The following NSMCE1 variants were observed in gnomAD, a reference collection of about 807,000 sequenced individuals.
The protein encoded by NSMCE1 is NSE1 component of SMC5/6 complex, also known as non-structural maintenance of chromosomes element 1 homolog.
NSMCE1 carries 18 observed loss-of-function variants against 29.6 expected under a neutral mutation model. That is an observed-to-expected ratio of 0.61 (90% CI 0.42 to 0.90). The LOEUF (loss-of-function observed/expected upper bound fraction) is 0.90. Among genes scored for constraint, NSMCE1 ranks in the 40% least tolerant of loss-of-function variants. The pLI, the probability that NSMCE1 is intolerant of heterozygous loss-of-function variation, is 0.00. For missense variants in NSMCE1, 314 were observed against 343.6 expected (o/e 0.91, Z 0.68); for synonymous variants, 124 against 133.4 (o/e 0.93, Z 0.49).
At chr16:27,264,583 A>C (rs185187910) in intron 1 of NSMCE1, among the ~76,000 whole-genome samples, 4 of 152,340 alleles carry the variant, frequency 2.6e-5, no homozygotes, top group African/African-American at 9.6e-5. Context: ...CCATATGTAA[A>C]AAAATGAATA....
rs368320768 is a variant in NSMCE1, at chr16:27,235,154, T to C, written c.258+24A>G. Reference sequence around the variant, plus strand: ...TGTTCCAGCTCCTCAAAAATGCCACTAGAGGGCTCTGCCGGGCACTCACCA... The same window carrying C: ...TGTTCCAGCTCCTCAAAAATGCCACCAGAGGGCTCTGCCGGGCACTCACCA... On this transcript the variant is annotated intron_variant, in intron 3 of 7. Coordinates refer to ENST00000361439, the MANE Select transcript of NSMCE1 (RefSeq NM_145080.4). 94 of 1,610,262 alleles carry C rather than the reference T, an allele frequency of 5.8e-5. No individual in the cohort carries two copies. In the Middle Eastern group the frequency reaches 6.6e-4, roughly 11 times the overall value.
chr16:27,244,722 A>G (rs536263595), intron 2 of NSMCE1, among the ~76,000 whole-genome samples: 3 of 152,194 alleles, frequency 2.0e-5, no homozygotes, highest in Non-Finnish European at 4.4e-5. Flanking sequence ...GAGGGACTCA[A>G]TGCTTCCTTC....
chr16:27,257,683 T>G (rs2084103085), intron 1 of NSMCE1, 102 bp from the exon 2 acceptor site: 1 of 1,045,490 alleles, frequency 9.6e-7, no homozygotes, highest in East Asian at 2.6e-5. Flanking sequence ...TTGCTATCAT[T>G]TTTAAAAGTC....
chr16:27,252,250 T>C (rs1289967351), intron 2 of NSMCE1, among the ~76,000 whole-genome samples: 1 of 152,058 alleles, frequency 6.6e-6, no homozygotes, highest in Non-Finnish European at 1.5e-5. Flanking sequence ...ATAAAAAACA[T>C]GGAACTTTCA....
intron 2 of NSMCE1, among the ~76,000 whole-genome samples, chr16:27,238,298 C>T (rs550670989): frequency 1.2e-4 from 18 of 152,320 alleles, no homozygotes; most frequent in African/African-American, 3.6e-4. Flanking sequence ...TCTTCCCTCC[C>T]GCTTCTCTAC....
rs748509151 is a variant in NSMCE1 at position 27,226,779 on chromosome 16, G to C, written c.541C>G (p.Arg181Gly). 1.7e-5 allele frequency: 27 copies of C among 1,613,816 alleles called. No individual in the cohort carries two copies. The highest frequency in any genetic ancestry group is 2.3e-5 in the Non-Finnish European group (27 of 1,179,854). ...RAILEMEQYI[R>G]ETYPDAVKIC... ...TTCACCGCGTCGGGGTACGTCTCCC[G>C]GATGTATTGCTCCATCTCCAGGATG... The change falls in exon 6 of 8, where the codon CGG becomes GGG. Residue 181 changes from arginine (R) to glycine (G), a missense_variant. Arg to Gly is a moderately radical substitution (Grantham distance 125, BLOSUM62 -2). Coordinates refer to ENST00000361439, the MANE Select transcript of NSMCE1 (RefSeq NM_145080.4).
In NSMCE1 at chr16:27,268,748, T is replaced by G. The variant is rs141212259; in HGVS notation, c.-54A>C. 615 of 152,920 alleles carry G rather than the reference T, an allele frequency of 4.0e-3. 1 individual carries two copies. The highest frequency in any genetic ancestry group is 6.1e-3 in the Non-Finnish European group (416 of 68,112). 9.5% of individuals were successfully genotyped at this position (152,920 alleles called of 1,614,324 possible). A position where few individuals can be genotyped will look rare whatever the true frequency, so the allele number is the denominator to read the frequency against. ...TCCCAGGCCGCGCTAGCGGATACGG[T>G]CGCAAGGTGGACTCTTCTTCCTTTG... On this transcript the variant is annotated 5_prime_UTR_variant, in exon 1 of 8. Transcript: ENST00000361439.
chr16:27,235,156 G>T (rs1213206551), intron 3 of NSMCE1, 22 bp downstream of exon 3: 2 of 1,610,444 alleles, frequency 1.2e-6, no homozygotes, highest in African/African-American at 2.7e-5. Context: ...AATGCCACTA[G>T]AGGGCTCTGC....
intron 7 of NSMCE1, 26 bp downstream of exon 7, chr16:27,225,700 C>T (rs2083682150): frequency 6.2e-7 from 1 of 1,613,574 alleles, no homozygotes; most frequent in Non-Finnish European, 8.5e-7. Flanking sequence ...CCAGCCCCTC[C>T]CATGAGCTCC....
intron 5 of NSMCE1, among the ~76,000 whole-genome samples, chr16:27,231,852 T>C (rs963494089): frequency 1.3e-5 from 2 of 152,114 alleles, no homozygotes; most frequent in Non-Finnish European, 2.9e-5. Flanking sequence ...TCCAGACCCC[T>C]GAGCTGTCAG....
intron 2 of NSMCE1, chr16:27,241,771 C>G (rs959657935): frequency 7.4e-5 from 31 of 416,304 alleles, no homozygotes; most frequent in Admixed American, 2.2e-4. Flanking sequence ...CCAGCTCATT[C>G]ACTACACGCT....
chr16:27,268,606 C>G (rs2084254794), intron 1 of NSMCE1, 100 bp downstream of exon 1: 1 of 152,594 alleles, frequency 6.6e-6, no homozygotes, highest in Admixed American at 6.5e-5. Context: ...GGGGCCGGAC[C>G]CCACTGCCTG....
intron 1 of NSMCE1, among the ~76,000 whole-genome samples, chr16:27,264,511 T>C (rs981223373): frequency 2.6e-4 from 40 of 152,312 alleles, no homozygotes; most frequent in African/African-American, 9.1e-4. Context: ...TATACATATA[T>C]GGATACTTGA....
In NSMCE1 at chr16:27,225,093, T is replaced by A. The variant is rs567940659; in HGVS notation, c.*64A>T. On this transcript the variant is annotated 3_prime_UTR_variant, in exon 8 of 8. Transcript: ENST00000361439. ...GGAACCTGAAACACGGACGCCTTTC[T>A]TCCAAGAAGGGCTGTGGCGATCAGG... The A allele has an allele frequency of 7.9e-5, 73 of 923,574 alleles. 1 individual carries two copies. In the South Asian group the frequency reaches 9.5e-4, roughly 12 times the overall value. The allele number at this position is 923,574 out of a possible 1,614,324, so 57.2% of individuals were successfully genotyped here.
chr16:27,230,397 G>A (rs1192927603), intron 5 of NSMCE1, among the ~76,000 whole-genome samples: 2 of 152,086 alleles, frequency 1.3e-5, no homozygotes, highest in Non-Finnish European at 2.9e-5. Flanking sequence ...TGCTGCCCTA[G>A]GAAGACCTGT....
chr16:27,234,151 A>C, intron 4 of NSMCE1, 37 bp downstream of exon 4: 1 of 1,361,354 alleles, frequency 7.3e-7, no homozygotes, highest in South Asian at 1.2e-5. Flanking sequence ...TCCCATAAGA[A>C]GCCCACCCAA....
chr16:27,230,137 G>C (rs1041230486), intron 5 of NSMCE1, among the ~76,000 whole-genome samples: 3 of 152,212 alleles, frequency 2.0e-5, no homozygotes, highest in African/African-American at 7.2e-5. Flanking sequence ...AGCCGCGCTT[G>C]CTCTCAGAGG....
intron 2 of NSMCE1, among the ~76,000 whole-genome samples, chr16:27,245,697 TTCA>T (rs2083948455): frequency 6.6e-6 from 1 of 152,204 alleles, no homozygotes; most frequent in African/African-American, 2.4e-5. Context: ...TGTTGAGAAA[TTCA>T]TCGAGTCACA....
intron 2 of NSMCE1, among the ~76,000 whole-genome samples, chr16:27,254,792 G>A (rs1480395611): frequency 6.8e-6 from 1 of 147,708 alleles, no homozygotes; most frequent in Non-Finnish European, 1.5e-5. Flanking sequence ...TCACCATGTT[G>A]CTCAGGCTGA....
Sources: allele counts gnomAD v4.1 joint callset (sites outside exome capture counted in the v4.1 genomes callset), GRCh38; gene constraint gnomAD v4.1.1; transcripts MANE v1.5; gene names NCBI Gene and HGNC (gene_info 2026-07-23, HGNC 2026-07-21).